Variants in SYNDIG1L observed in about 807,000 individuals in gnomAD.
The protein encoded by SYNDIG1L is synapse differentiation-inducing gene protein 1-like.
A neutral mutation model predicts 20.1 loss-of-function variants in SYNDIG1L; 13 were observed. The ratio of observed to expected loss-of-function variants is 0.65; its 90% CI spans 0.42 to 1.03. The LOEUF (loss-of-function observed/expected upper bound fraction) is 1.03, where lower values mean the gene tolerates loss of function less well. SYNDIG1L is among the 50% of genes least tolerant of loss of function. The pLI is 0.00. For synonymous variants in SYNDIG1L, 128 were observed against 129.3 expected (o/e 0.99, Z 0.07); for missense variants, 294 against 305.1 (o/e 0.96, Z 0.27).
chr14:74,461,195 G>T, the SYNDIG1L span, among the ~76,000 whole-genome samples: 1 of 151,974 alleles, frequency 6.6e-6, no homozygotes, highest in African/African-American at 2.4e-5. Context: ...TGATCTGCCC[G>T]CCTTGGCCTC....
intron 1 of SYNDIG1L, among the ~76,000 whole-genome samples, chr14:74,424,661 T>C (rs2086250711): frequency 6.6e-6 from 1 of 152,118 alleles, no homozygotes; most frequent in African/African-American, 2.4e-5. Context: ...GACCCCACGG[T>C]GGCCAAGGAC....
In SYNDIG1L at chr14:74,409,466, C is replaced by T; in HGVS notation, c.279G>A (p.Glu93=). 6.2e-7 allele frequency: 1 copy of T among 1,613,618 alleles called. No homozygotes were observed. Among genetic ancestry groups the T allele is most frequent in the Non-Finnish European group, 8.5e-7 (1 of 1,179,814 alleles). The part of the protein sequence containing the change: ...RAGSCETSFT[E]DREPQEGPPE... ...GAGGCCCCTCCTGGGGCTCCCTGTC[C>T]TCTGTGAAGCTTGTCTCACAGCTGC... The change falls in exon 2 of 4, where the codon GAG becomes GAA. Residue 93 remains glutamate (E), a synonymous_variant. Transcript: ENST00000331628.
At chr14:74,464,043 A>G in the SYNDIG1L span, among the ~76,000 whole-genome samples, 12 of 152,182 alleles carry the variant, frequency 7.9e-5, no homozygotes, top group African/African-American at 2.9e-4. Flanking sequence ...ATTTCCAGCA[A>G]TGGGGTCTGA....
the SYNDIG1L span, among the ~76,000 whole-genome samples, chr14:74,438,480 A>G: frequency 1.3e-5 from 2 of 152,096 alleles, no homozygotes; most frequent in Non-Finnish European, 2.9e-5. Flanking sequence ...TGGGCCATCT[A>G]TTTCTCAAAC....
At chr14:74,459,002 C>T in the SYNDIG1L span, among the ~76,000 whole-genome samples, 4 of 152,030 alleles carry the variant, frequency 2.6e-5, no homozygotes, top group African/African-American at 4.8e-5. Flanking sequence ...TGGCAGGACC[C>T]GCACAGCATC....
chr14:74,407,520 A>G lies in SYNDIG1L; in HGVS notation c.*15T>C, dbSNP rs757431248. The G allele has an allele frequency of 6.2e-7, 1 of 1,613,178 alleles. No homozygotes were observed. Among genetic ancestry groups the G allele is most frequent in the Non-Finnish European group, 8.5e-7 (1 of 1,179,838 alleles). ...CAGGTGGGCAGGGGAGTCAGGATGCAGGCCCTACTGGCTACTAGCCATGAC... is the reference window on the plus strand; with the variant it reads ...CAGGTGGGCAGGGGAGTCAGGATGCGGGCCCTACTGGCTACTAGCCATGAC... On this transcript the variant is annotated 3_prime_UTR_variant, in exon 4 of 4. Coordinates refer to ENST00000331628, the MANE Select transcript of SYNDIG1L (RefSeq NM_001105579.2).
At chr14:74,450,976 C>T in the SYNDIG1L span, among the ~76,000 whole-genome samples, 1 of 152,102 alleles carries the variant, frequency 6.6e-6, no homozygotes. Flanking sequence ...GGTCAGGGGA[C>T]TCATTGTTTA....
the SYNDIG1L span, chr14:74,473,892 A>G: frequency 1.3e-5 from 2 of 152,242 alleles, no homozygotes; most frequent in Non-Finnish European, 2.9e-5. Context: ...AGCCAGCTGC[A>G]TTACAGTCCT....
chr14:74,442,477 G>A, the SYNDIG1L span, among the ~76,000 whole-genome samples: 2 of 152,246 alleles, frequency 1.3e-5, no homozygotes, highest in African/African-American at 2.4e-5. Context: ...AAGAAGGCCA[G>A]TGAGGTGGGA....
the SYNDIG1L span, among the ~76,000 whole-genome samples, chr14:74,467,959 G>T: frequency 3.0e-3 from 450 of 152,162 alleles, 1 homozygote; most frequent in African/African-American, 0.01. Flanking sequence ...GGTCCGGGGG[G>T]ATCTAGTGGC....
the SYNDIG1L span, among the ~76,000 whole-genome samples, chr14:74,466,059 C>T: frequency 2.4e-4 from 37 of 152,204 alleles, no homozygotes; most frequent in East Asian, 5.4e-3. Context: ...TGCTTTGAGG[C>T]GGTCTCCTAA....
chr14:74,412,604 A>T (rs1229334773), intron 1 of SYNDIG1L, among the ~76,000 whole-genome samples: 1 of 152,138 alleles, frequency 6.6e-6, no homozygotes, highest in Non-Finnish European at 1.5e-5. Flanking sequence ...AGGTGAACAC[A>T]TGTAGAGCCT....
At chr14:74,472,782 CAGCAG>C in the SYNDIG1L span, among the ~76,000 whole-genome samples, 2 of 152,154 alleles carry the variant, frequency 1.3e-5, no homozygotes, top group South Asian at 4.2e-4. Context: ...GCATTTCAGG[CAGCAG>C]AGCAGCATGT....
chr14:74,415,550 C>CT (rs1277765092), intron 1 of SYNDIG1L, among the ~76,000 whole-genome samples: 1 of 151,626 alleles, frequency 6.6e-6, no homozygotes, highest in African/African-American at 2.4e-5. Flanking sequence ...AAATTTTTTT[C>CT]TTTTTTTTGA....
upstream of SYNDIG1L, among the ~76,000 whole-genome samples, chr14:74,428,859 CAG>C: frequency 6.6e-6 from 1 of 152,090 alleles, no homozygotes; most frequent in East Asian, 1.9e-4. Context: ...TGGGTGAAAA[CAG>C]AGAGGAGAGA....
chr14:74,409,088 A>ATTTT (rs770918057), intron 2 of SYNDIG1L, among the ~76,000 whole-genome samples: 1 of 147,500 alleles, frequency 6.8e-6, no homozygotes, highest in Non-Finnish European at 1.5e-5. Context: ...TTATTTATTT[A>ATTTT]TATTTTTTTG....
chr14:74,460,061 C>A, the SYNDIG1L span, among the ~76,000 whole-genome samples: 1 of 152,102 alleles, frequency 6.6e-6, no homozygotes, highest in Non-Finnish European at 1.5e-5. Flanking sequence ...TCTCTGTGGC[C>A]TGATGGCCTG....
the SYNDIG1L span, chr14:74,476,401 G>T: frequency 1.2e-6 from 1 of 828,192 alleles, no homozygotes; most frequent in Non-Finnish European, 2.0e-6. Flanking sequence ...GCTTATCTGG[G>T]ACATATGATT....
chr14:74,479,794 T>C, the SYNDIG1L span: 3 of 232,928 alleles, frequency 1.3e-5, no homozygotes, highest in East Asian at 1.2e-4. Context: ...AAAATAGATA[T>C]GGTCTTACTG....
Sources: allele counts gnomAD v4.1 joint callset (sites outside exome capture counted in the v4.1 genomes callset), GRCh38; gene constraint gnomAD v4.1.1; transcripts MANE v1.5; gene names NCBI Gene and HGNC (gene_info 2026-07-23, HGNC 2026-07-21).